The following PRTG variants were observed in gnomAD, a reference collection of about 807,000 sequenced individuals.
PRTG encodes protogenin.
Under a neutral mutation model 122.5 loss-of-function variants are expected in PRTG, and 67 were observed. The ratio of observed to expected loss-of-function variants is 0.55; its 90% CI spans 0.45 to 0.67. PRTG has a LOEUF of 0.67. Ranked by LOEUF, PRTG falls within the 30% of genes least tolerant of loss-of-function variation. PRTG has a pLI of 0.00. For missense variants in PRTG, 1,435 were observed against 1,415.4 expected (o/e 1.01, Z -0.22); for synonymous variants, 554 against 501.1 (o/e 1.11, Z -1.41).
chr15:55,735,374 G>A (rs2031375752), intron 2 of PRTG, among the ~76,000 whole-genome samples: 1 of 151,688 alleles, frequency 6.6e-6, no homozygotes, highest in Admixed American at 6.6e-5. Context: ...TTTCAAAAAG[G>A]TAACCTCAAA....
At chr15:55,678,537 T>G (rs1233070113) in intron 7 of PRTG, among the ~76,000 whole-genome samples, 1 of 152,208 alleles carries the variant, frequency 6.6e-6, no homozygotes, top group African/African-American at 2.4e-5. Context: ...AGAGCCACCA[T>G]GTCTGGCTTA....
intron 15 of PRTG, among the ~76,000 whole-genome samples, chr15:55,632,224 A>G (rs2059231517): frequency 6.6e-6 from 1 of 152,204 alleles, no homozygotes; most frequent in Non-Finnish European, 1.5e-5. Flanking sequence ...GATTTCTCCC[A>G]GTGATCTGGC....
chr15:55,661,911 A>G (rs1019829959), intron 11 of PRTG, among the ~76,000 whole-genome samples: 12 of 149,376 alleles, frequency 8.0e-5, no homozygotes, highest in African/African-American at 2.9e-4. Flanking sequence ...AAAAAAAAAG[A>G]GGAGTAGCTG....
intron 10 of PRTG, among the ~76,000 whole-genome samples, chr15:55,673,063 T>C (rs2059481876): frequency 6.6e-6 from 1 of 152,120 alleles, no homozygotes; most frequent in South Asian, 2.1e-4. Flanking sequence ...TTTAAAAATA[T>C]ATGGCAATAA....
At chr15:55,727,928 G>C (rs1011673919) in intron 2 of PRTG, among the ~76,000 whole-genome samples, 1 of 152,110 alleles carries the variant, frequency 6.6e-6, no homozygotes, top group African/African-American at 2.4e-5. Flanking sequence ...GAAGTGGCAC[G>C]ATCTTGGCTC....
In PRTG at chr15:55,620,108, G is replaced by A; in HGVS notation, c.3357C>T (p.Gly1119=). The change falls in exon 20 of 20, where the codon GGC becomes GGT. Residue 1119 remains glycine, a synonymous_variant. Transcript: ENST00000389286. ...ADTEHSANSE[G]SHETGDSGRF... is the part of the protein sequence containing the mutation. ...GCCCAGAATCCCCAGTCTCATGGCT[G>A]CCTTCACTATTTGCTGAATGTTCTG... The A allele has an allele frequency of 2.5e-6, 4 of 1,614,176 alleles. No individual in the cohort carries two copies. Among genetic ancestry groups the A allele is most frequent in the South Asian group, 1.1e-5 (1 of 91,078 alleles).
chr15:55,629,049 T>C (rs1243660974), intron 15 of PRTG, 45 bp from the exon 16 acceptor site: 10 of 1,354,910 alleles, frequency 7.4e-6, no homozygotes. Context: ...TTATCTTTTA[T>C]TCTTTCACTC....
At chr15:55,624,175 CCCT>C (rs138218461) in intron 18 of PRTG, among the ~76,000 whole-genome samples, 164 bp downstream of exon 18, 11,288 of 151,838 alleles carry the variant, frequency 0.074, 510 homozygotes, top group Non-Finnish European at 0.11. Flanking sequence ...ACCTTTTTCC[CCCT>C]AAATATTTTA....
chr15:55,736,601 C>T lies in PRTG; in HGVS notation c.397+3781G>A, dbSNP rs540507880. On this transcript the variant is annotated intron_variant, in intron 2 of 19. Coordinates refer to ENST00000389286, the MANE Select transcript of PRTG (RefSeq NM_173814.6). Reference sequence around the variant, plus strand: ...ACCTATACCCTTTTAATGGAAACAACTACTACTACTTAAAAAGTTATAGAA... The same window carrying T: ...ACCTATACCCTTTTAATGGAAACAATTACTACTACTTAAAAAGTTATAGAA... 5.9e-5 allele frequency among the ~76,000 whole-genome samples: 9 copies of T among 152,144 alleles called. No individual in the cohort carries two copies. In the South Asian group the frequency reaches 1.9e-3, roughly 32 times the overall value.
intron 2 of PRTG, among the ~76,000 whole-genome samples, chr15:55,691,533 T>C (rs1393269001): frequency 3.3e-5 from 5 of 151,236 alleles, no homozygotes; most frequent in African/African-American, 1.2e-4. Context: ...ACACAAAAAT[T>C]AGCCGGGCAT....
intron 2 of PRTG, among the ~76,000 whole-genome samples, chr15:55,708,147 G>GAAAAAA (rs1567109053): frequency 3.6e-5 from 1 of 27,940 alleles, no homozygotes; most frequent in Non-Finnish European, 7.4e-5. Context: ...GAGTAAGCTG[G>GAAAAAA]TAAAAAAAAA....
intron 15 of PRTG, among the ~76,000 whole-genome samples, chr15:55,636,471 C>G (rs1281926836): frequency 6.6e-6 from 1 of 151,922 alleles, no homozygotes; most frequent in Non-Finnish European, 1.5e-5. Flanking sequence ...TTCTATCATC[C>G]AAGCTATCAA....
At chr15:55,700,455 T>C (rs1273475499) in intron 2 of PRTG, among the ~76,000 whole-genome samples, 5 of 152,234 alleles carry the variant, frequency 3.3e-5, no homozygotes, top group South Asian at 4.1e-4. Flanking sequence ...CCATAAAAGA[T>C]TGATAAACTG....
chr15:55,703,395 T>A (rs910199432), intron 2 of PRTG, among the ~76,000 whole-genome samples: 1 of 152,164 alleles, frequency 6.6e-6, no homozygotes, highest in African/African-American at 2.4e-5. Flanking sequence ...TCTGCTGGAC[T>A]GATGGAGCCC....
At chr15:55,721,541 A>G (rs2030823425) in intron 2 of PRTG, among the ~76,000 whole-genome samples, 1 of 152,170 alleles carries the variant, frequency 6.6e-6, no homozygotes. Flanking sequence ...TCTTACTACT[A>G]TGCTTTCGAC....
chr15:55,612,839 T>C lies in PRTG; in HGVS notation c.*7173A>G, dbSNP rs1483661857. The C allele has an allele frequency of 6.6e-6, 1 of 151,078 alleles. No individual in the cohort carries two copies. The highest frequency in any genetic ancestry group is 1.5e-5 in the Non-Finnish European group (1 of 67,812). 9.4% of individuals were successfully genotyped at this position (151,078 alleles called of 1,614,324 possible). The stretch of plus-strand genomic sequence containing the variant: ...CTCTTATGATTTTATCCACCTAACA[T>C]ATGAGTGTTTCCATTTCAGCTATAT... On this transcript the variant is annotated 3_prime_UTR_variant, in exon 20 of 20. Coordinates refer to ENST00000389286, the MANE Select transcript of PRTG (RefSeq NM_173814.6).
chr15:55,639,234 C>CCA lies in PRTG; in HGVS notation c.2324+407_2324+408insTG, dbSNP rs148015820. Among the ~76,000 whole-genome samples the CCA allele has an allele frequency of 3.0e-4, 46 of 152,276 alleles. 1 individual carries two copies. In the East Asian group the frequency reaches 7.9e-3, roughly 26 times the overall value. Reference sequence around the variant, plus strand: ...AGCAATCCTACCACCTCAGCCCCCCCAAAATCATTCTTTTAGAGCACCGTG... The same window carrying CCA: ...AGCAATCCTACCACCTCAGCCCCCCCCAAAAATCATTCTTTTAGAGCACCGTG... On this transcript the variant is annotated intron_variant, in intron 13 of 19. Coordinates refer to ENST00000389286, the MANE Select transcript of PRTG (RefSeq NM_173814.6).
intron 2 of PRTG, among the ~76,000 whole-genome samples, chr15:55,705,322 A>G (rs2030058515): frequency 6.6e-6 from 1 of 152,112 alleles, no homozygotes; most frequent in African/African-American, 2.4e-5. Flanking sequence ...CTTTTCTCCA[A>G]TTTTCTCTGC....
At chr15:55,718,260 T>A (rs983593862) in intron 2 of PRTG, among the ~76,000 whole-genome samples, 1 of 152,196 alleles carries the variant, frequency 6.6e-6, no homozygotes, top group Non-Finnish European at 1.5e-5. Context: ...AAGATCTAAA[T>A]AATTCTTGTT....
Sources: allele counts gnomAD v4.1 joint callset (sites outside exome capture counted in the v4.1 genomes callset), GRCh38; gene constraint gnomAD v4.1.1; transcripts MANE v1.5; gene names NCBI Gene and HGNC (gene_info 2026-07-23, HGNC 2026-07-21).